PDLIM3: variants seen among roughly 807,000 people sequenced by gnomAD.
PDLIM3 encodes PDZ and LIM domain protein 3.
In PDLIM3, 36 loss-of-function variants were observed where a neutral mutation model predicts 37.3. That is an observed-to-expected ratio of 0.97 (90% CI 0.74 to 1.28). PDLIM3 has a LOEUF of 1.28. Ranked by LOEUF, PDLIM3 falls within the 50% of genes most tolerant of loss-of-function variation. The probability of loss-of-function intolerance (pLI) is 0.00; values close to 1 mark genes in which losing one functional copy is unlikely to be tolerated. For synonymous variants in PDLIM3, 174 were observed against 182.4 expected, an observed-to-expected ratio of 0.95 and a Z score of 0.37; for missense variants, 454 against 485.0, an observed-to-expected ratio of 0.94 and a Z score of 0.60.
Position 185,514,353 on chromosome 4 carries a change from G to T in PDLIM3, c.331-16C>A. 1 of 1,614,148 alleles carries T rather than the reference G, an allele frequency of 6.2e-7. No individual in the cohort carries two copies. Among genetic ancestry groups the T allele is most frequent in the Middle Eastern group, 1.6e-4 (1 of 6,062 alleles). ...AGTTCCCGTCCTGTGAAAACAAAGC[G>T]TTAAAAAGGCCCTCAGTGGAAGGCG... On this transcript the variant is annotated splice_polypyrimidine_tract_variant and intron_variant, in intron 3 of 7. Coordinates refer to ENST00000284767, the MANE Select transcript of PDLIM3 (RefSeq NM_014476.6). The surrounding 1 kb of genome is among the most constrained non-coding windows in gnomAD (Gnocchi z 4.0).
rs1222394101 is a variant in PDLIM3 at position 185,501,108 on chromosome 4, GGCAAGGTAACGCCATGCAGAGCCT to G, written c.*1162_*1185del. 3.9e-5 allele frequency: 6 copies of G among 152,442 alleles called. No individual in the cohort carries two copies. The highest frequency in any genetic ancestry group is 1.4e-4 in the African/African-American group (6 of 41,586). 9.4% of individuals were successfully genotyped at this position (152,442 alleles called of 1,614,324 possible). A position where few individuals can be genotyped will look rare whatever the true frequency, so the allele number is the denominator to read the frequency against. On this transcript the variant is annotated 3_prime_UTR_variant, in exon 8 of 8. Coordinates refer to ENST00000284767, the MANE Select transcript of PDLIM3 (RefSeq NM_014476.6). The stretch of plus-strand genomic sequence containing the variant: ...ATTGCCATGGGCACCCTGGGTGAGA[GGCAAGGTAACGCCATGCAGAGCCT>G]GCAAGGTAGGCTGCCTGCGCCAGGG...
intron 1 of PDLIM3, among the ~76,000 whole-genome samples, chr4:185,531,959 A>G (rs1439752918): frequency 1.5e-5 from 2 of 136,022 alleles, no homozygotes; most frequent in African/African-American, 5.4e-5. Context: ...TTAGCTGGGT[A>G]TGGTGGCGGG....
intron 1 of PDLIM3, among the ~76,000 whole-genome samples, chr4:185,534,311 A>G (rs1416800299): frequency 6.6e-6 from 1 of 152,194 alleles, no homozygotes; most frequent in Non-Finnish European, 1.5e-5. Context: ...TAACACATAC[A>G]ATTATAAAAT....
At chr4:185,527,303 T>G (rs1483399126) in intron 1 of PDLIM3, among the ~76,000 whole-genome samples, 1 of 152,238 alleles carries the variant, frequency 6.6e-6, no homozygotes, top group Non-Finnish European at 1.5e-5. Context: ...TAGGGATCAG[T>G]AATTCATTTG....
At chr4:185,510,794 TTAAA>T (rs2095705271) in intron 4 of PDLIM3, among the ~76,000 whole-genome samples, 1 of 152,228 alleles carries the variant, frequency 6.6e-6, no homozygotes, top group Non-Finnish European at 1.5e-5. Context: ...CCCATGTCTA[TTAAA>T]TAAATGAGTA....
intron 3 of PDLIM3, among the ~76,000 whole-genome samples, chr4:185,520,399 G>A (rs1478560842): frequency 1.3e-5 from 2 of 152,094 alleles, no homozygotes; most frequent in African/African-American, 2.4e-5. Flanking sequence ...GGCTCCATCT[G>A]ACTGGCTGCT....
chr4:185,527,121 T>C (rs1349230141), intron 1 of PDLIM3, among the ~76,000 whole-genome samples: 1 of 152,234 alleles, frequency 6.6e-6, no homozygotes, highest in African/African-American at 2.4e-5. Context: ...AAAAAGCATT[T>C]GTCAGAGCTT....
chr4:185,510,928 C>T (rs2095705533), intron 4 of PDLIM3, among the ~76,000 whole-genome samples: 1 of 152,192 alleles, frequency 6.6e-6, no homozygotes, highest in South Asian at 2.1e-4. Context: ...GTGGATATCA[C>T]TGGGGATAGC....
In PDLIM3 at chr4:185,504,519, C is replaced by T. The variant is rs764585438; in HGVS notation, c.861G>A (p.Gly287=). 29 of 1,614,050 alleles carry T rather than the reference C, an allele frequency of 1.8e-5. No individual in the cohort carries two copies. The East Asian group carries it at 6.5e-4, about 36-fold the overall frequency. Residue 287 remains glycine, a synonymous_variant, in exon 7 of 8, where the codon GGG becomes GGA. Coordinates refer to ENST00000284767, the MANE Select transcript of PDLIM3 (RefSeq NM_014476.6). The surrounding 1 kb of genome is among the most constrained non-coding windows in gnomAD (Gnocchi z 4.7). The part of the protein sequence containing the change: ...PVTKVHGGSG[G]AQRMPLCDKC... ...TGTCACAGAGCGGCATCCTCTGTGC[C>T]CCGCCTGAACCGCCATGGACTTTCG...
rs1487940769 is a variant in PDLIM3, at chr4:185,514,260, C to T, written c.398+10G>A. The stretch of plus-strand genomic sequence containing the variant: ...TGCACTGCAAACTCCACAGTCTCAG[C>T]GCTTATGACCTGCTTCGGCCCGGGA... On this transcript the variant is annotated intron_variant, in intron 4 of 7. Transcript: ENST00000284767. The surrounding 1 kb of genome is among the most constrained non-coding windows in gnomAD (Gnocchi z 4.0). 4 of 1,614,088 alleles carry T rather than the reference C, an allele frequency of 2.5e-6. No individual in the cohort carries two copies. The highest frequency in any genetic ancestry group is 2.2e-5 in the South Asian group (2 of 91,082).
chr4:185,502,386 TGAA>T lies in PDLIM3; in HGVS notation c.1000_1002del (p.Phe334del). On this transcript the variant is annotated inframe_deletion, in exon 8 of 8. Coordinates refer to ENST00000284767, the MANE Select transcript of PDLIM3 (RefSeq NM_014476.6). The stretch of plus-strand genomic sequence containing the variant: ...GTTTCGCAGTACAGCTCCCCTTCTA[TGAA>T]GAAGTAGCCCTTTTGCTTGAGGTTG... 6.2e-7 allele frequency: 1 copy of T among 1,614,194 alleles called. No homozygotes were observed. Among genetic ancestry groups the T allele is most frequent in the East Asian group, 2.2e-5 (1 of 44,876 alleles).
At chr4:185,528,952 T>C (rs965731208) in intron 1 of PDLIM3, among the ~76,000 whole-genome samples, 2 of 152,212 alleles carry the variant, frequency 1.3e-5, no homozygotes, top group African/African-American at 4.8e-5. Flanking sequence ...TTCCTTATTA[T>C]ATTACTTTGT....
intron 5 of PDLIM3, among the ~76,000 whole-genome samples, chr4:185,507,730 A>G (rs535298356): frequency 6.6e-6 from 1 of 152,302 alleles, no homozygotes; most frequent in African/African-American, 2.4e-5. Context: ...GAGACCAGCA[A>G]AAATTAAATA....
At chr4:185,513,577 T>C (rs1216674579) in intron 4 of PDLIM3, 3 of 985,912 alleles carry the variant, frequency 3.0e-6, no homozygotes, top group South Asian at 9.4e-5. Flanking sequence ...AATCCACCTA[T>C]GGGCCATCAG....
intron 3 of PDLIM3, chr4:185,515,782 TG>T (rs1373801070): frequency 6.6e-6 from 1 of 152,210 alleles, no homozygotes; most frequent in Non-Finnish European, 1.5e-5. Flanking sequence ...TTCCAGTTTT[TG>T]TACAGATTTA....
At chr4:185,529,312 G>A (rs1024521070) in intron 1 of PDLIM3, among the ~76,000 whole-genome samples, 57 of 151,998 alleles carry the variant, frequency 3.8e-4, no homozygotes, top group Non-Finnish European at 7.9e-4. Flanking sequence ...ATATTACTTG[G>A]ATCTGTTGGG....
intron 1 of PDLIM3, among the ~76,000 whole-genome samples, chr4:185,530,963 T>C (rs1424963851): frequency 8.9e-6 from 1 of 112,784 alleles, no homozygotes; most frequent in Non-Finnish European, 1.8e-5. Flanking sequence ...TATGCATGCA[T>C]AGAAACACAC....
chr4:185,509,544 T>A (rs2095703385), intron 4 of PDLIM3, among the ~76,000 whole-genome samples: 2 of 152,212 alleles, frequency 1.3e-5, no homozygotes, highest in Admixed American at 6.5e-5. Flanking sequence ...ACAACTGACA[T>A]GCTAGTGACT....
At chr4:185,523,259 G>A (rs2095725749) in intron 3 of PDLIM3, 103 bp downstream of exon 3, 2 of 741,254 alleles carry the variant, frequency 2.7e-6, no homozygotes, top group South Asian at 3.0e-5. Context: ...AGCTTCATAG[G>A]TGGCTTGTTC....
Sources: gnomAD v4.1 joint callset for allele counts (sites outside exome capture counted in the v4.1 genomes callset) on GRCh38, gnomAD v4.1.1 for gene constraint, Gnocchi (gnomAD v3.1) non-coding constraint, MANE v1.5 for transcripts, NCBI Gene and HGNC (gene_info 2026-07-23, HGNC 2026-07-21) for gene names.